PXDNL: variants seen among roughly 807,000 people sequenced by gnomAD.
The protein encoded by PXDNL is peroxidasin like.
In PXDNL, 145 loss-of-function variants were observed where a neutral mutation model predicts 150.8. The observed-to-expected ratio is 0.96, with a 90% CI of 0.84 to 1.10. The LOEUF (loss-of-function observed/expected upper bound fraction) is 1.10. Among genes scored for constraint, PXDNL ranks in the 50% least tolerant of loss-of-function variants. PXDNL has a pLI of 0.00. For synonymous variants in PXDNL, 757 were observed against 725.7 expected (o/e 1.04, Z -0.69); for missense variants, 2,087 against 1,873.9 (o/e 1.11, Z -2.10).
intron 1 of PXDNL, among the ~76,000 whole-genome samples, chr8:51,779,319 G>A (rs953098038): frequency 7.2e-5 from 11 of 152,172 alleles, no homozygotes; most frequent in African/African-American, 2.2e-4. Context: ...ATCTGACGGC[G>A]AGGCGAAGTC....
intron 21 of PXDNL, among the ~76,000 whole-genome samples, chr8:51,337,687 G>A (rs1403078065): frequency 6.6e-6 from 1 of 151,886 alleles, no homozygotes; most frequent in African/African-American, 2.4e-5. Context: ...GACCAGCCTG[G>A]CCAACATGGT....
intron 3 of PXDNL, among the ~76,000 whole-genome samples, chr8:51,562,035 T>C (rs1434233955): frequency 6.6e-6 from 1 of 151,826 alleles, no homozygotes; most frequent in African/African-American, 2.4e-5. Flanking sequence ...ATTGTTCTTT[T>C]TCATATTTCA....
intron 18 of PXDNL, 33 bp from the exon 19 acceptor site, chr8:51,372,114 G>A (rs769610725): frequency 2.0e-6 from 3 of 1,507,542 alleles, no homozygotes; most frequent in African/African-American, 2.8e-5. Flanking sequence ...ACATTGTCGT[G>A]GGTCTGTGGC....
At chr8:51,538,551 AG>A (rs1404687314) in intron 4 of PXDNL, among the ~76,000 whole-genome samples, 1 of 152,048 alleles carries the variant, frequency 6.6e-6, no homozygotes, top group Non-Finnish European at 1.5e-5. Context: ...GGATCACCTG[AG>A]GTCAAGAGTT....
intron 3 of PXDNL, among the ~76,000 whole-genome samples, chr8:51,590,472 C>T (rs557651612): frequency 3.4e-4 from 51 of 152,174 alleles, no homozygotes; most frequent in Non-Finnish European, 7.2e-4. Flanking sequence ...AGAACTGAAG[C>T]ATGGCTGAGC....
intron 4 of PXDNL, among the ~76,000 whole-genome samples, chr8:51,509,582 G>A (rs960984294): frequency 6.6e-6 from 1 of 151,854 alleles, no homozygotes; most frequent in Non-Finnish European, 1.5e-5. Flanking sequence ...GCATGCATGT[G>A]TCTCCTTCCC....
chr8:51,650,754 A>T (rs1034493789), intron 2 of PXDNL, among the ~76,000 whole-genome samples: 2 of 152,242 alleles, frequency 1.3e-5, no homozygotes, highest in African/African-American at 2.4e-5. Context: ...GAACAGCAAA[A>T]GTGAGAATGA....
At chr8:51,614,872 T>C (rs1275671677) in intron 2 of PXDNL, among the ~76,000 whole-genome samples, 2 of 152,158 alleles carry the variant, frequency 1.3e-5, no homozygotes, top group South Asian at 2.1e-4. Flanking sequence ...AATCTCAAGA[T>C]AGAAACTTAA....
chr8:51,338,690 A>G (rs573380702), intron 21 of PXDNL, among the ~76,000 whole-genome samples: 1 of 152,366 alleles, frequency 6.6e-6, no homozygotes, highest in African/African-American at 2.4e-5. Context: ...AATCAGACAT[A>G]TATTTTTGAA....
intron 2 of PXDNL, among the ~76,000 whole-genome samples, chr8:51,629,044 C>A (rs572444542): frequency 1.3e-5 from 2 of 151,964 alleles, no homozygotes; most frequent in African/African-American, 4.8e-5. Context: ...CATGATGAAA[C>A]AAACACAAAC....
chr8:51,409,525 AG>A lies in PXDNL; in HGVS notation c.2098del (p.Leu700SerfsTer47), dbSNP rs758965719. 18 of 1,607,518 alleles carry A rather than the reference AG, an allele frequency of 1.1e-5. No homozygotes were observed. Among genetic ancestry groups the A allele is most frequent in the Middle Eastern group, 3.3e-4 (2 of 6,036 alleles). ...TCCAGATAAATTGGCGATGAGGCTG[AG>A]GGAGCGCGGGGACACCAAGTCATTG... ...RYNDLVSPRS[L>X]SLIANLSGCT... On this transcript the variant is annotated frameshift_variant, in exon 17 of 23. Coordinates refer to ENST00000356297, the MANE Select transcript of PXDNL (RefSeq NM_144651.5). LOFTEE classifies it high-confidence loss of function.
At chr8:51,754,030 A>G (rs2037072699) in intron 1 of PXDNL, among the ~76,000 whole-genome samples, 1 of 152,180 alleles carries the variant, frequency 6.6e-6, no homozygotes, top group African/African-American at 2.4e-5. Flanking sequence ...AGCTATTTTG[A>G]TAACAAGCGC....
chr8:51,483,862 C>A (rs977630719), intron 5 of PXDNL, 148 bp from the exon 6 acceptor site: 3 of 590,194 alleles, frequency 5.1e-6, no homozygotes, highest in Admixed American at 3.2e-5. Flanking sequence ...GTCATTTATA[C>A]AACCATCTGT....
At chr8:51,463,075 A>T (rs539910850) in intron 8 of PXDNL, among the ~76,000 whole-genome samples, 19 of 152,326 alleles carry the variant, frequency 1.2e-4, no homozygotes, top group African/African-American at 4.3e-4. Flanking sequence ...CCAGACAAGC[A>T]AATGTTAAGA....
rs117602014 is a variant in PXDNL at position 51,559,514 on chromosome 8, A to G, written c.309-2603T>C. On this transcript the variant is annotated intron_variant, in intron 3 of 22. Coordinates refer to ENST00000356297, the MANE Select transcript of PXDNL (RefSeq NM_144651.5). Reference sequence around the variant, plus strand: ...ACGAAAGAAGAAAAACACATCACCCAGAGCACAATCTACCACAAAACCAGA... The same window carrying G: ...ACGAAAGAAGAAAAACACATCACCCGGAGCACAATCTACCACAAAACCAGA... Among the ~76,000 whole-genome samples the G allele has an allele frequency of 3.3e-4, 50 of 152,176 alleles. No individual in the cohort carries two copies. The East Asian group carries it at 9.5e-3, about 29-fold the overall frequency.
chr8:51,598,155 A>C (rs1234317291), intron 2 of PXDNL, among the ~76,000 whole-genome samples: 1 of 152,168 alleles, frequency 6.6e-6, no homozygotes, highest in African/African-American at 2.4e-5. Flanking sequence ...TTAGAATTTT[A>C]AGGCATAAAA....
chr8:51,514,326 C>A (rs894831213), intron 4 of PXDNL, among the ~76,000 whole-genome samples: 2 of 152,116 alleles, frequency 1.3e-5, no homozygotes, highest in African/African-American at 4.8e-5. Flanking sequence ...TTTCAGTCAG[C>A]AAACATATTT....
chr8:51,468,099 A>G (rs1197697277), intron 8 of PXDNL, among the ~76,000 whole-genome samples: 1 of 152,002 alleles, frequency 6.6e-6, no homozygotes, highest in Non-Finnish European at 1.5e-5. Flanking sequence ...ATCAATCTTG[A>G]TAAGTGTTCC....
chr8:51,570,204 G>A (rs1812904794), intron 3 of PXDNL, among the ~76,000 whole-genome samples: 1 of 151,896 alleles, frequency 6.6e-6, no homozygotes. Flanking sequence ...GGGGCAGTAT[G>A]AAGAGTCTGG....
Sources: gnomAD v4.1 joint callset for allele counts (sites outside exome capture counted in the v4.1 genomes callset) on GRCh38, gnomAD v4.1.1 for gene constraint, MANE v1.5 for transcripts, NCBI Gene and HGNC (gene_info 2026-07-23, HGNC 2026-07-21) for gene names.